The following IL1RAPL1 variants were observed in gnomAD, a reference collection of about 807,000 sequenced individuals.
The protein encoded by IL1RAPL1 is interleukin-1 receptor accessory protein-like 1.
Under a neutral mutation model 48.4 loss-of-function variants are expected in IL1RAPL1, and 3 were observed. The observed-to-expected ratio is 0.06, with a 90% CI of 0.03 to 0.16. The LOEUF (loss-of-function observed/expected upper bound fraction) is 0.16, where lower values mean the gene tolerates loss of function less well. IL1RAPL1 is among the 10% of genes least tolerant of loss of function. The probability of loss-of-function intolerance (pLI) is 1.00; values close to 1 mark genes in which losing one functional copy is unlikely to be tolerated. For synonymous variants in IL1RAPL1, 185 were observed against 187.7 expected, an observed-to-expected ratio of 0.99 and a Z score of 0.12; for missense variants, 349 against 530.6, an observed-to-expected ratio of 0.66 and a Z score of 3.36.
At chrX:29,494,397 T>C (rs1376688579) in intron 5 of IL1RAPL1, among the ~76,000 whole-genome samples, 1 of 112,195 alleles carries the variant, frequency 8.9e-6, no homozygotes, top group African/African-American at 3.2e-5. Flanking sequence ...GTTGATTCTA[T>C]GTCTTTGCTA....
At chrX:28,901,795 C>A (rs779332178) in intron 2 of IL1RAPL1, among the ~76,000 whole-genome samples, 2 of 111,947 alleles carry the variant, frequency 1.8e-5, no homozygotes, top group South Asian at 3.7e-4. Context: ...CATCCTCACT[C>A]GCTCAAATAT....
At chrX:29,385,244 C>T (rs938074998) in intron 3 of IL1RAPL1, among the ~76,000 whole-genome samples, 7 of 111,888 alleles carry the variant, frequency 6.3e-5, no homozygotes, top group African/African-American at 2.3e-4. Context: ...CACCTGAGGT[C>T]GGGAGTTCAA....
At chrX:28,791,937 G>A (rs746117399) in intron 2 of IL1RAPL1, among the ~76,000 whole-genome samples, 29 of 111,802 alleles carry the variant, frequency 2.6e-4, no homozygotes, top group Non-Finnish European at 5.5e-4. Context: ...TAGAAGAGGA[G>A]TGTAGTTGGC....
At chrX:29,282,869 A>G (rs1265600887) in intron 2 of IL1RAPL1, 69 bp from the exon 3 acceptor site, 1 of 1,063,032 alleles carries the variant, frequency 9.4e-7, no homozygotes, top group Non-Finnish European at 1.3e-6. Context: ...ATGAATGAAT[A>G]ATCTAATTGC....
At chrX:29,783,607 A>G (rs975162492) in intron 6 of IL1RAPL1, among the ~76,000 whole-genome samples, 2 of 111,729 alleles carry the variant, frequency 1.8e-5, no homozygotes, top group Non-Finnish European at 3.8e-5. Flanking sequence ...AAAGGGAAGT[A>G]TTTTCCGCAG....
rs756191637 is a variant in IL1RAPL1 at position 29,666,087 on chromosome X, GT to G, written c.704-2334del. The stretch of plus-strand genomic sequence containing the variant: ...AAAATAATAGAGTTGAATCAGTCCA[GT>G]TTTTTTTTAAGTTATTAATATTTTT... On this transcript the variant is annotated intron_variant, in intron 5 of 10. Coordinates refer to ENST00000378993, the MANE Select transcript of IL1RAPL1 (RefSeq NM_014271.4). Among the ~76,000 whole-genome samples the G allele has an allele frequency of 1.2e-3, 131 of 108,258 alleles. No homozygotes were observed. The East Asian group carries it at 0.021, about 17-fold the overall frequency. The allele number at this position is 108,258 out of a possible 115,157, so 94.0% of individuals were successfully genotyped here.
At chrX:29,439,149 A>G (rs1197559070) in intron 5 of IL1RAPL1, among the ~76,000 whole-genome samples, 28 of 111,395 alleles carry the variant, frequency 2.5e-4, no homozygotes, top group Non-Finnish European at 3.4e-4. Flanking sequence ...CATTTATTTC[A>G]TGGTCAAGGG....
At chrX:29,397,096 TA>T (rs1278177609) in intron 4 of IL1RAPL1, among the ~76,000 whole-genome samples, 1 of 112,451 alleles carries the variant, frequency 8.9e-6, no homozygotes, top group African/African-American at 3.2e-5. Flanking sequence ...AACATAATTT[TA>T]AGCTTGTTTA....
At chrX:29,915,984 G>A in intron 6 of IL1RAPL1, among the ~76,000 whole-genome samples, 1 of 95,212 alleles carries the variant, frequency 1.1e-5, no homozygotes, top group Middle Eastern at 5.4e-3. Flanking sequence ...CCACGTATGA[G>A]TGAGAATATG....
chrX:28,845,058 G>T (rs1427156525), intron 2 of IL1RAPL1, among the ~76,000 whole-genome samples: 1 of 111,755 alleles, frequency 8.9e-6, no homozygotes, highest in Non-Finnish European at 1.9e-5. Context: ...TTTTCAGAAG[G>T]CTTCTCTGGT....
intron 2 of IL1RAPL1, among the ~76,000 whole-genome samples, chrX:29,136,291 C>A (rs1929126212): frequency 9.2e-6 from 1 of 109,208 alleles, no homozygotes; most frequent in South Asian, 4.0e-4. Context: ...CCATGCCTGG[C>A]TAATTTTGTA....
At chrX:29,883,568 G>A (rs562171139) in intron 6 of IL1RAPL1, among the ~76,000 whole-genome samples, 3 of 112,082 alleles carry the variant, frequency 2.7e-5, no homozygotes, top group Non-Finnish European at 3.8e-5. Flanking sequence ...TGCCCCCTTC[G>A]TTTTCCATGT....
At chrX:28,646,801 T>C (rs1243799377) in intron 1 of IL1RAPL1, among the ~76,000 whole-genome samples, 1 of 112,620 alleles carries the variant, frequency 8.9e-6, no homozygotes, top group African/African-American at 3.2e-5. Context: ...CATTCCATAA[T>C]TTTTATTCTC....
intron 1 of IL1RAPL1, among the ~76,000 whole-genome samples, chrX:28,786,026 C>G (rs775401826): frequency 1.1e-4 from 12 of 111,512 alleles, no homozygotes; most frequent in Non-Finnish European, 2.1e-4. Flanking sequence ...TTAAAAGTTG[C>G]ATAAAACTCA....
At chrX:29,465,819 C>A (rs1007325916) in intron 5 of IL1RAPL1, among the ~76,000 whole-genome samples, 79 of 111,634 alleles carry the variant, frequency 7.1e-4, no homozygotes, top group African/African-American at 2.5e-3. Flanking sequence ...GATTTAATTG[C>A]TCTGGGGTAG....
intron 2 of IL1RAPL1, among the ~76,000 whole-genome samples, chrX:28,897,297 A>G (rs1259875604): frequency 4.5e-5 from 5 of 111,573 alleles, no homozygotes; most frequent in African/African-American, 1.6e-4. Flanking sequence ...CTGCGTGGCC[A>G]GAGACCTCTG....
chrX:29,527,694 A>G (rs1325639349), intron 5 of IL1RAPL1, among the ~76,000 whole-genome samples: 2 of 111,431 alleles, frequency 1.8e-5, no homozygotes, highest in South Asian at 3.7e-4. Context: ...ATTTTACTAT[A>G]TTAAAAACTT....
At chrX:29,065,132 T>G (rs1927427232) in intron 2 of IL1RAPL1, among the ~76,000 whole-genome samples, 1 of 106,211 alleles carries the variant, frequency 9.4e-6, no homozygotes, top group Admixed American at 1.0e-4. Context: ...TGAAATCAGG[T>G]GAAGGAAATT....
rs1166748708 is a variant in IL1RAPL1, at chrX:29,306,530, G to GAAAAAAAA, written c.362+23329_362+23336dup. On this transcript the variant is annotated intron_variant, in intron 3 of 10. Transcript: ENST00000378993. ...GTGACAGAGCAAGACTCTGTCAAAA[G>GAAAAAAAA]AAAAAAAAAAAAAAAAAAAAAAACG... Among the ~76,000 whole-genome samples, 309 of 33,319 alleles carry GAAAAAAAA rather than the reference G, an allele frequency of 9.3e-3. 1 individual carries two copies. Among genetic ancestry groups the GAAAAAAAA allele is most frequent in the Non-Finnish European group, 0.01 (217 of 21,444 alleles). The allele number at this position is 33,319 out of a possible 115,157, so 28.9% of individuals were successfully genotyped here.
Sources: allele counts gnomAD v4.1 joint callset (sites outside exome capture counted in the v4.1 genomes callset), GRCh38; gene constraint gnomAD v4.1.1; transcripts MANE v1.5; gene names NCBI Gene and HGNC (gene_info 2026-07-23, HGNC 2026-07-21).